Variants in CDH13 observed in about 807,000 individuals in gnomAD.
CDH13 encodes the protein cadherin-13.
Under a neutral mutation model 63.8 loss-of-function variants are expected in CDH13, and 24 were observed. The observed-to-expected ratio is 0.38, with a 90% CI of 0.27 to 0.53. The LOEUF is 0.53. CDH13 is among the 20% of genes least tolerant of loss of function. The pLI is 0.85. For missense variants in CDH13, 1,049 were observed against 903.1 expected (o/e 1.16, Z -2.07); for synonymous variants, 503 against 355.3 (o/e 1.42, Z -4.67).
At chr16:82,853,858 C>G (rs1044724381) in intron 1 of CDH13, among the ~76,000 whole-genome samples, 1 of 152,046 alleles carries the variant, frequency 6.6e-6, no homozygotes, top group African/African-American at 2.4e-5. Flanking sequence ...AGCATATATT[C>G]TAGAAAATTT....
intron 1 of CDH13, among the ~76,000 whole-genome samples, chr16:82,694,586 C>T (rs1226017051): frequency 6.6e-6 from 1 of 152,182 alleles, no homozygotes; most frequent in African/African-American, 2.4e-5. Context: ...TCCCAATCAT[C>T]TTCTAAAACC....
At chr16:82,907,407 C>G (rs1014826091) in intron 2 of CDH13, among the ~76,000 whole-genome samples, 1 of 152,092 alleles carries the variant, frequency 6.6e-6, no homozygotes, top group African/African-American at 2.4e-5. Context: ...TTAAAAACTA[C>G]TGTTTAGGGA....
intron 7 of CDH13, among the ~76,000 whole-genome samples, chr16:83,592,735 G>A (rs750489764): frequency 3.5e-4 from 53 of 152,110 alleles, no homozygotes; most frequent in Non-Finnish European, 6.0e-4. Context: ...AATGAGCGCT[G>A]CCTTCTCCTT....
At chr16:83,682,127 G>A (rs2150876755) in intron 10 of CDH13, among the ~76,000 whole-genome samples, 1 of 152,322 alleles carries the variant, frequency 6.6e-6, no homozygotes, top group East Asian at 1.9e-4. Flanking sequence ...CACACCAAAA[G>A]AAGTGCAGCA....
At chr16:83,379,196 C>T (rs1358970437) in intron 6 of CDH13, among the ~76,000 whole-genome samples, 2 of 152,184 alleles carry the variant, frequency 1.3e-5, no homozygotes, top group Non-Finnish European at 2.9e-5. Flanking sequence ...ATGCATTCTG[C>T]ATCTTCACCA....
intron 7 of CDH13, among the ~76,000 whole-genome samples, chr16:83,492,411 G>A (rs1037773328): frequency 4.6e-5 from 7 of 152,224 alleles, no homozygotes; most frequent in Admixed American, 2.6e-4. Flanking sequence ...TGGTGGGTGG[G>A]ACCAGAATGA....
chr16:82,716,627 A>T lies in CDH13; in HGVS notation c.45+89490A>T, dbSNP rs74470220. 3.5e-3 allele frequency among the ~76,000 whole-genome samples: 518 copies of T among 149,584 alleles called. 21 individuals are homozygous for T. In the East Asian group the frequency reaches 0.089, roughly 26 times the overall value. ...TAATTATGTAAATAAGCAGACACCCAGCTGGCATGGAATTTCAACCATTTG... is the reference window on the plus strand; with the variant it reads ...TAATTATGTAAATAAGCAGACACCCTGCTGGCATGGAATTTCAACCATTTG... On this transcript the variant is annotated intron_variant, in intron 1 of 13. Coordinates refer to ENST00000567109, the MANE Select transcript of CDH13 (RefSeq NM_001257.5).
intron 1 of CDH13, among the ~76,000 whole-genome samples, chr16:82,770,067 C>A (rs915687278): frequency 6.6e-6 from 1 of 152,182 alleles, no homozygotes; most frequent in Non-Finnish European, 1.5e-5. Context: ...GGATGTCAGC[C>A]AAAGCACAAC....
intron 10 of CDH13, among the ~76,000 whole-genome samples, chr16:83,727,535 G>C (rs981115858): frequency 6.6e-6 from 1 of 151,764 alleles, no homozygotes; most frequent in African/African-American, 2.4e-5. Context: ...CACTGCGGCA[G>C]TGGGTTCTCA....
chr16:82,931,645 C>A (rs1352312670), intron 2 of CDH13, among the ~76,000 whole-genome samples: 3 of 151,942 alleles, frequency 2.0e-5, no homozygotes, highest in Non-Finnish European at 2.9e-5. Context: ...ACTCACAGTT[C>A]CATGTGGCTG....
At chr16:83,146,109 G>A (rs557073100) in intron 4 of CDH13, among the ~76,000 whole-genome samples, 29 of 144,186 alleles carry the variant, frequency 2.0e-4, no homozygotes, top group African/African-American at 6.8e-4. Context: ...CAGGAGAATC[G>A]CTTGAACCTG....
intron 6 of CDH13, among the ~76,000 whole-genome samples, chr16:83,469,261 C>G (rs750869974): frequency 7.9e-5 from 12 of 152,070 alleles, no homozygotes; most frequent in Non-Finnish European, 1.8e-4. Context: ...TTCAGTGTGT[C>G]CAGTCTTATA....
At chr16:83,764,147 G>C (rs1010947191) in intron 11 of CDH13, among the ~76,000 whole-genome samples, 2 of 152,178 alleles carry the variant, frequency 1.3e-5, no homozygotes, top group African/African-American at 4.8e-5. Flanking sequence ...GATCTTCTAA[G>C]CATGTCATTA....
chr16:83,742,816 G>C (rs1441648418), intron 10 of CDH13, among the ~76,000 whole-genome samples: 1 of 152,210 alleles, frequency 6.6e-6, no homozygotes, highest in Non-Finnish European at 1.5e-5. Flanking sequence ...TCTGTCTGCA[G>C]GTGTGTTTCT....
At chr16:82,878,208 G>A (rs985719201) in intron 2 of CDH13, among the ~76,000 whole-genome samples, 27 of 151,784 alleles carry the variant, frequency 1.8e-4, no homozygotes, top group African/African-American at 5.8e-4. Context: ...TCTCAGGGTG[G>A]GTGGCAATGC....
chr16:82,792,716 C>A (rs906379146), intron 1 of CDH13, among the ~76,000 whole-genome samples: 4 of 152,194 alleles, frequency 2.6e-5, no homozygotes. Context: ...TTATTTATTT[C>A]TTGTGTTCCT....
In CDH13 at chr16:82,647,223, A is replaced by T. The variant is rs115634548; in HGVS notation, c.45+20086A>T. On this transcript the variant is annotated intron_variant, in intron 1 of 13. Coordinates refer to ENST00000567109, the MANE Select transcript of CDH13 (RefSeq NM_001257.5). ...GGATGGGGATTCCAGAGAACCTTGT[A>T]AACACTTGGTCCAGCAAATAATATG... 2.5e-3 allele frequency among the ~76,000 whole-genome samples: 378 copies of T among 152,300 alleles called. 2 individuals carry two copies. The highest frequency in any genetic ancestry group is 8.7e-3 in the African/African-American group (363 of 41,572).
chr16:83,617,957 T>G (rs902648758), intron 8 of CDH13, among the ~76,000 whole-genome samples: 1 of 152,232 alleles, frequency 6.6e-6, no homozygotes, highest in African/African-American at 2.4e-5. Flanking sequence ...TTATTGCCAC[T>G]CTCACTAAAT....
intron 7 of CDH13, among the ~76,000 whole-genome samples, chr16:83,510,899 A>G (rs2074541131): frequency 6.6e-6 from 1 of 152,250 alleles, no homozygotes; most frequent in South Asian, 2.1e-4. Context: ...AGGATTTGGA[A>G]TTTCACACAA....
Sources: allele counts gnomAD v4.1 joint callset (sites outside exome capture counted in the v4.1 genomes callset), GRCh38; gene constraint gnomAD v4.1.1; transcripts MANE v1.5; gene names NCBI Gene and HGNC (gene_info 2026-07-23, HGNC 2026-07-21).